PTPRG: variants seen among roughly 807,000 people sequenced by gnomAD.
PTPRG encodes protein tyrosine phosphatase receptor type G, also known as receptor-type tyrosine-protein phosphatase gamma.
PTPRG carries 102 observed loss-of-function variants against 165.3 expected under a neutral mutation model. The observed-to-expected ratio is 0.62, with a 90% CI of 0.53 to 0.73. The LOEUF is 0.73. PTPRG is among the 30% of genes least tolerant of loss of function. The probability of loss-of-function intolerance (pLI) is 0.00; values close to 1 mark genes in which losing one functional copy is unlikely to be tolerated. For missense variants in PTPRG, 1,866 were observed against 1,861.4 expected, an observed-to-expected ratio of 1.00 and a Z score of -0.05; for synonymous variants, 675 against 669.5, an observed-to-expected ratio of 1.01 and a Z score of -0.13.
chr3:61,604,562 C>A (rs1575531710), intron 1 of PTPRG, among the ~76,000 whole-genome samples: 2 of 152,264 alleles, frequency 1.3e-5, no homozygotes, highest in African/African-American at 4.8e-5. Context: ...CTCCTTTAAC[C>A]CTCTCAACCA....
At chr3:62,014,288 C>T (rs2041490866) in intron 4 of PTPRG, among the ~76,000 whole-genome samples, 1 of 152,076 alleles carries the variant, frequency 6.6e-6, no homozygotes, top group Non-Finnish European at 1.5e-5. Flanking sequence ...ATTGTTTGGC[C>T]TGGCGCTGTA....
chr3:62,172,215 T>A (rs141743817), intron 8 of PTPRG, among the ~76,000 whole-genome samples: 1,924 of 152,324 alleles, frequency 0.013, 17 homozygotes, highest in Middle Eastern at 0.037. Context: ...AGCATCCATG[T>A]CCAAGTTTTT....
chr3:61,673,415 C>T (rs929411374), intron 1 of PTPRG, among the ~76,000 whole-genome samples: 1 of 152,122 alleles, frequency 6.6e-6, no homozygotes, highest in Non-Finnish European at 1.5e-5. Context: ...CAAAGTGGGG[C>T]TCTCATTGAG....
At chr3:61,930,472 C>A (rs375721778) in intron 2 of PTPRG, among the ~76,000 whole-genome samples, 1 of 152,118 alleles carries the variant, frequency 6.6e-6, no homozygotes, top group South Asian at 2.1e-4. Flanking sequence ...CACTTCCATT[C>A]CTTTTGGGAT....
At chr3:61,819,450 A>C (rs534920653) in intron 2 of PTPRG, among the ~76,000 whole-genome samples, 1 of 152,284 alleles carries the variant, frequency 6.6e-6, no homozygotes, top group Non-Finnish European at 1.5e-5. Context: ...GAATTTGGGG[A>C]AGGATAGCAC....
rs192113517 is a variant in PTPRG, at chr3:61,690,113, A to T, written c.86-58765A>T. ...TCTCAACCATCCCCTGGGTTTGGTG[A>T]TGCCAGACTTCCTTCTGGCATTATC... is the stretch of plus-strand genomic sequence containing the variant. On this transcript the variant is annotated intron_variant, in intron 1 of 29. Transcript: ENST00000474889. 1.1e-3 allele frequency among the ~76,000 whole-genome samples: 164 copies of T among 152,232 alleles called. 1 individual carries two copies. The highest frequency in any genetic ancestry group is 2.0e-3 in the Non-Finnish European group (136 of 68,024).
intron 2 of PTPRG, among the ~76,000 whole-genome samples, chr3:61,851,585 A>G (rs929583035): frequency 6.6e-6 from 1 of 152,254 alleles, no homozygotes; most frequent in Admixed American, 6.5e-5. Context: ...CATGGTGGAA[A>G]AATGGGTTGT....
At chr3:61,728,888 A>G (rs1044382932) in intron 1 of PTPRG, among the ~76,000 whole-genome samples, 23 of 151,172 alleles carry the variant, frequency 1.5e-4, no homozygotes, top group African/African-American at 5.3e-4. Flanking sequence ...AAAAAAAAAA[A>G]AAAAGAAAGA....
At chr3:61,831,165 C>G (rs535985338) in intron 2 of PTPRG, among the ~76,000 whole-genome samples, 1 of 152,320 alleles carries the variant, frequency 6.6e-6, no homozygotes, top group South Asian at 2.1e-4. Context: ...TGATGAGTAT[C>G]TTTCCTATTT....
intron 1 of PTPRG, among the ~76,000 whole-genome samples, chr3:61,649,200 T>G (rs1702284193): frequency 6.6e-6 from 1 of 151,916 alleles, no homozygotes; most frequent in Non-Finnish European, 1.5e-5. Context: ...CTATTTTCTT[T>G]TAAGAGATGA....
Position 61,896,097 on chromosome 3 carries a change from T to C in PTPRG, c.191-93528T>C, listed in dbSNP as rs75676403. On this transcript the variant is annotated intron_variant, in intron 2 of 29. Coordinates refer to ENST00000474889, the MANE Select transcript of PTPRG (RefSeq NM_002841.4). ...GGTGTGTGCATGTGTGTATAAATTCTATATAATTTTGTCATTTGCGTAGGT... is the reference window on the plus strand; with the variant it reads ...GGTGTGTGCATGTGTGTATAAATTCCATATAATTTTGTCATTTGCGTAGGT... Among the ~76,000 whole-genome samples the C allele has an allele frequency of 9.7e-4, 147 of 152,304 alleles. 3 individuals are homozygous for C. In the East Asian group the frequency reaches 0.024, roughly 24 times the overall value.
At chr3:62,290,455 T>C (rs558982555) in intron 28 of PTPRG, among the ~76,000 whole-genome samples, 3 of 152,240 alleles carry the variant, frequency 2.0e-5, no homozygotes, top group African/African-American at 4.8e-5. Flanking sequence ...AATTATATGT[T>C]TGAATCACTA....
At chr3:61,682,227 AAGTT>A (rs1411527603) in intron 1 of PTPRG, among the ~76,000 whole-genome samples, 1 of 151,980 alleles carries the variant, frequency 6.6e-6, no homozygotes, top group African/African-American at 2.4e-5. Context: ...CATGGACTAT[AAGTT>A]AGACCATATT....
chr3:61,728,055 A>G (rs150239776), intron 1 of PTPRG, among the ~76,000 whole-genome samples: 129 of 152,162 alleles, frequency 8.5e-4, no homozygotes, highest in African/African-American at 2.9e-3. Flanking sequence ...TTCCATCTCC[A>G]TGTCTTTCTT....
chr3:62,142,830 C>T (rs1260716983), intron 6 of PTPRG, among the ~76,000 whole-genome samples: 4 of 152,192 alleles, frequency 2.6e-5, no homozygotes, highest in Non-Finnish European at 5.9e-5. Context: ...CAAAGGGCGC[C>T]TCACTGCTGC....
chr3:61,641,853 A>T (rs1446195965), intron 1 of PTPRG, among the ~76,000 whole-genome samples: 1 of 152,140 alleles, frequency 6.6e-6, no homozygotes, highest in African/African-American at 2.4e-5. Flanking sequence ...AGGTTTAAGG[A>T]TGGATGGGTC....
At position 62,078,178 on chromosome 3, in the gene PTPRG, T is replaced by C; in HGVS notation, c.535T>C (p.Tyr179His). The change falls in exon 5 of 30, where the codon TAC (tyrosine) becomes CAC (histidine). Residue 179 changes from tyrosine (Y) to histidine (H), a missense_variant. Coordinates refer to ENST00000474889, the MANE Select transcript of PTPRG (RefSeq NM_002841.4). ...GTTCTTACAGATGCAGATTTTCTTT[T>C]ACAATCCAGATGACTTTGACAGCTT... is the stretch of plus-strand genomic sequence containing the variant. ...RFPVEMQIFFYNPDDFDSFQT... is the reference protein window; with the variant it reads ...RFPVEMQIFFHNPDDFDSFQT... 6.2e-7 allele frequency: 1 copy of C among 1,600,848 alleles called. No homozygotes were observed. The highest frequency in any genetic ancestry group is 8.5e-7 in the Non-Finnish European group (1 of 1,173,646).
intron 1 of PTPRG, among the ~76,000 whole-genome samples, chr3:61,666,531 G>C (rs185073846): frequency 2.0e-5 from 3 of 152,322 alleles, no homozygotes; most frequent in Admixed American, 2.0e-4. Flanking sequence ...AGCAATGGAA[G>C]AAAGGAAAAC....
At chr3:61,888,459 G>A (rs1428883358) in intron 2 of PTPRG, among the ~76,000 whole-genome samples, 3 of 151,900 alleles carry the variant, frequency 2.0e-5, no homozygotes, top group African/African-American at 4.8e-5. Flanking sequence ...TCAGCCTCCC[G>A]AGTAGCTGGG....
Sources: gnomAD v4.1 joint callset for allele counts (sites outside exome capture counted in the v4.1 genomes callset) on GRCh38, gnomAD v4.1.1 for gene constraint, MANE v1.5 for transcripts, NCBI Gene and HGNC (gene_info 2026-07-23, HGNC 2026-07-21) for gene names.